HIBADH: variants seen among roughly 807,000 people sequenced by gnomAD.
HIBADH encodes the protein 3-hydroxyisobutyrate dehydrogenase.
Under a neutral mutation model 36.1 loss-of-function variants are expected in HIBADH, and 25 were observed. That is an observed-to-expected ratio of 0.69 (90% CI 0.50 to 0.97). The LOEUF is 0.97. Ranked by LOEUF, HIBADH falls within the 50% of genes least tolerant of loss-of-function variation. The pLI, the probability that HIBADH is intolerant of heterozygous loss-of-function variation, is 0.00. For synonymous variants in HIBADH, 160 were observed against 149.5 expected (o/e 1.07, Z -0.51); for missense variants, 421 against 418.0 (o/e 1.01, Z -0.06).
At chr7:27,536,079 C>T (rs1441021219) in intron 6 of HIBADH, among the ~76,000 whole-genome samples, 1 of 152,084 alleles carries the variant, frequency 6.6e-6, no homozygotes, top group Non-Finnish European at 1.5e-5. Context: ...GGAATTTATG[C>T]TTGCTGATGC....
intron 2 of HIBADH, among the ~76,000 whole-genome samples, chr7:27,647,349 T>C (rs1443530766): frequency 1.3e-5 from 2 of 152,198 alleles, no homozygotes; most frequent in Non-Finnish European, 2.9e-5. Context: ...AAATTGTTTA[T>C]TTCTTGAATT....
intron 4 of HIBADH, among the ~76,000 whole-genome samples, chr7:27,613,409 A>G (rs1785368507): frequency 6.6e-6 from 1 of 150,460 alleles, no homozygotes; most frequent in South Asian, 2.1e-4. Flanking sequence ...CAAAAAAATA[A>G]AGGTGGTAGG....
Position 27,563,210 on chromosome 7 carries a change from G to C in HIBADH, c.485-20110C>G, listed in dbSNP as rs574176580. On this transcript the variant is annotated intron_variant, in intron 4 of 7. Coordinates refer to ENST00000265395, the MANE Select transcript of HIBADH (RefSeq NM_152740.4). ...TCTTTCACTCATACAATGCCTTTGGGTTACCTGTTATTGTGGGTATCAGCA... is the reference window on the plus strand; with the variant it reads ...TCTTTCACTCATACAATGCCTTTGGCTTACCTGTTATTGTGGGTATCAGCA... 1.2e-4 allele frequency among the ~76,000 whole-genome samples: 19 copies of C among 152,218 alleles called. No individual in the cohort carries two copies. The South Asian group carries it at 3.9e-3, about 32-fold the overall frequency.
At chr7:27,528,456 T>C (rs1021275779) in intron 7 of HIBADH, among the ~76,000 whole-genome samples, 16 of 152,116 alleles carry the variant, frequency 1.1e-4, no homozygotes, top group African/African-American at 3.6e-4. Flanking sequence ...GCTATTCCAG[T>C]GAACACATGA....
At chr7:27,654,763 G>A (rs191954274) in intron 1 of HIBADH, among the ~76,000 whole-genome samples, 183 of 151,360 alleles carry the variant, frequency 1.2e-3, no homozygotes, top group African/African-American at 4.3e-3. Flanking sequence ...ATCACAGCTC[G>A]CTACAGCCTC....
chr7:27,605,106 T>C (rs1785196107), intron 4 of HIBADH, among the ~76,000 whole-genome samples: 1 of 152,188 alleles, frequency 6.6e-6, no homozygotes, highest in African/African-American at 2.4e-5. Context: ...AGTAATTTAA[T>C]TGTTTCTGCT....
At chr7:27,605,075 A>G (rs1226020507) in intron 4 of HIBADH, among the ~76,000 whole-genome samples, 3 of 152,156 alleles carry the variant, frequency 2.0e-5, no homozygotes, top group African/African-American at 7.2e-5. Context: ...AACATATCCT[A>G]TCACCTGGAT....
chr7:27,613,211 T>TA, intron 4 of HIBADH, among the ~76,000 whole-genome samples: 1 of 126,180 alleles, frequency 7.9e-6, no homozygotes, highest in Non-Finnish European at 1.6e-5. Flanking sequence ...ATATTTATAT[T>TA]TATATATTTA....
chr7:27,557,526 G>C (rs902068640), intron 4 of HIBADH, among the ~76,000 whole-genome samples: 1 of 152,146 alleles, frequency 6.6e-6, no homozygotes, highest in Non-Finnish European at 1.5e-5. Context: ...TTTTTTCACA[G>C]TTTTGGAGGC....
intron 4 of HIBADH, among the ~76,000 whole-genome samples, chr7:27,581,074 A>C (rs1291068291): frequency 6.6e-6 from 1 of 152,200 alleles, no homozygotes; most frequent in African/African-American, 2.4e-5. Flanking sequence ...AGACAAGAGA[A>C]GGTGTGAAAT....
chr7:27,598,966 AG>A (rs1583589271), intron 4 of HIBADH, among the ~76,000 whole-genome samples: 1 of 152,234 alleles, frequency 6.6e-6, no homozygotes, highest in East Asian at 1.9e-4. Context: ...GAAAAAAAAA[AG>A]AAAAAGTATG....
rs992224184 is a variant in HIBADH at position 27,576,370 on chromosome 7, A to G, written c.485-33270T>C. On this transcript the variant is annotated intron_variant, in intron 4 of 7. Coordinates refer to ENST00000265395, the MANE Select transcript of HIBADH (RefSeq NM_152740.4). ...GATGGAGGGCCAACATCAGAGAAAT[A>G]TAATAGTGCATTAGCATAACCACAT... Among the ~76,000 whole-genome samples, 5 of 152,266 alleles carry G rather than the reference A, an allele frequency of 3.3e-5. No homozygotes were observed. In the South Asian group the frequency reaches 6.2e-4, roughly 19 times the overall value.
chr7:27,632,802 T>G lies in HIBADH; in HGVS notation c.253-357A>C, dbSNP rs78058551. Among the ~76,000 whole-genome samples, 316 of 152,236 alleles carry G rather than the reference T, an allele frequency of 2.1e-3. 1 individual carries two copies. The highest frequency in any genetic ancestry group is 7.3e-3 in the African/African-American group (303 of 41,536). On this transcript the variant is annotated intron_variant, in intron 2 of 7. Transcript: ENST00000265395. ...CATAATCTTTGGTATACACTTTGAC[T>G]AAGAAAAATATTCTAGTACAACAAC...
At chr7:27,585,198 T>C (rs530955904) in intron 4 of HIBADH, among the ~76,000 whole-genome samples, 19 of 149,936 alleles carry the variant, frequency 1.3e-4, no homozygotes, top group African/African-American at 4.6e-4. Flanking sequence ...CACACACATA[T>C]GTATGTATAA....
At chr7:27,611,454 G>A (rs1463834370) in intron 4 of HIBADH, among the ~76,000 whole-genome samples, 2 of 152,092 alleles carry the variant, frequency 1.3e-5, no homozygotes, top group East Asian at 1.9e-4. Context: ...AGCTGATCAA[G>A]TTGGAACCAA....
At chr7:27,582,742 T>C (rs572619411) in intron 4 of HIBADH, among the ~76,000 whole-genome samples, 1 of 152,260 alleles carries the variant, frequency 6.6e-6, no homozygotes, top group South Asian at 2.1e-4. Flanking sequence ...AGCTGCTCTT[T>C]GTGTCCGTAT....
chr7:27,565,645 TCTTA>T (rs1368374190), intron 4 of HIBADH, among the ~76,000 whole-genome samples: 3 of 152,194 alleles, frequency 2.0e-5, no homozygotes, highest in Non-Finnish European at 2.9e-5. Context: ...TTTTTATTTT[TCTTA>T]CTTTATTGTA....
intron 3 of HIBADH, among the ~76,000 whole-genome samples, chr7:27,630,997 A>T (rs1785737422): frequency 6.6e-6 from 1 of 152,208 alleles, no homozygotes; most frequent in Admixed American, 6.5e-5. Context: ...GGTGTATGGA[A>T]ATGATCCTCA....
intron 4 of HIBADH, among the ~76,000 whole-genome samples, chr7:27,593,926 G>T (rs1363474500): frequency 6.6e-6 from 1 of 151,370 alleles, no homozygotes; most frequent in Non-Finnish European, 1.5e-5. Context: ...CAGCAACAGA[G>T]ACAGGAGAAT....
Sources: gnomAD v4.1 joint callset for allele counts (sites outside exome capture counted in the v4.1 genomes callset) on GRCh38, gnomAD v4.1.1 for gene constraint, MANE v1.5 for transcripts, NCBI Gene and HGNC (gene_info 2026-07-23, HGNC 2026-07-21) for gene names.